WARS2: variants seen among roughly 807,000 people sequenced by gnomAD.
WARS2 encodes the protein tryptophan--tRNA ligase, mitochondrial.
WARS2 carries 28 observed loss-of-function variants against 36.5 expected under a neutral mutation model. The observed-to-expected ratio is 0.77, with a 90% CI of 0.57 to 1.05. The LOEUF (loss-of-function observed/expected upper bound fraction) is 1.05, where lower values mean the gene tolerates loss of function less well. Among genes scored for constraint, WARS2 ranks in the 50% least tolerant of loss-of-function variants. The pLI is 0.00. For missense variants in WARS2, 435 were observed against 456.8 expected (o/e 0.95, Z 0.44); for synonymous variants, 174 against 178.4 (o/e 0.98, Z 0.20).
Position 119,083,121 on chromosome 1 carries a change from T to C in WARS2, c.91-6514A>G, listed in dbSNP as rs587640242. On this transcript the variant is annotated intron_variant, in intron 1 of 5. Coordinates refer to ENST00000235521, the MANE Select transcript of WARS2 (RefSeq NM_015836.4). The stretch of plus-strand genomic sequence containing the variant: ...GTGGATGTCTGTAATCCCAGCTACT[T>C]GGGAGGCTGAGGCAGGAGAATCACT... Among the ~76,000 whole-genome samples, 4 of 152,092 alleles carry C rather than the reference T, an allele frequency of 2.6e-5. No individual in the cohort carries two copies. The South Asian group carries it at 8.3e-4, about 32-fold the overall frequency.
chr1:119,131,477 T>TG (rs1656100884), intron 1 of WARS2, among the ~76,000 whole-genome samples: 1 of 150,868 alleles, frequency 6.6e-6, no homozygotes. Flanking sequence ...TTTTTTTTTT[T>TG]TTGAGACGTA....
intron 2 of WARS2, among the ~76,000 whole-genome samples, chr1:119,055,113 G>A (rs1571284691): frequency 6.6e-6 from 1 of 152,178 alleles, no homozygotes; most frequent in African/African-American, 2.4e-5. Flanking sequence ...TCTCAAGTTG[G>A]AAAAAATGGT....
chr1:119,062,667 G>C (rs1376162536), intron 2 of WARS2, among the ~76,000 whole-genome samples: 2 of 152,110 alleles, frequency 1.3e-5, no homozygotes, highest in Non-Finnish European at 2.9e-5. Context: ...TGTTTCCCAT[G>C]CTATTCTCAT....
chr1:119,077,799 G>A (rs1651864698), intron 1 of WARS2, among the ~76,000 whole-genome samples: 1 of 151,936 alleles, frequency 6.6e-6, no homozygotes, highest in African/African-American at 2.4e-5. Flanking sequence ...TTTTTCCCCT[G>A]AATTATTTTA....
At position 119,086,926 on chromosome 1, in the gene WARS2, T is replaced by C. The variant is rs188075914; in HGVS notation, c.91-10319A>G. Among the ~76,000 whole-genome samples, 26 of 152,212 alleles carry C rather than the reference T, an allele frequency of 1.7e-4. No homozygotes were observed. In the East Asian group the frequency reaches 3.9e-3, roughly 23 times the overall value. ...TTCACACTCTTCCACCATCCTAGAA[T>C]GCCCTTTCACCTCTTTTCTGCGTGG... On this transcript the variant is annotated intron_variant, in intron 1 of 5. Transcript: ENST00000235521.
chr1:119,126,550 C>T (rs1655672024), intron 1 of WARS2: 11 of 528,908 alleles, frequency 2.1e-5, no homozygotes, highest in South Asian at 6.4e-5. Context: ...CAGACAGATT[C>T]TTGGACTAGT....
At position 119,114,873 on chromosome 1, in the gene WARS2, C is replaced by T. The variant is rs587668047; in HGVS notation, c.90+25682G>A. On this transcript the variant is annotated intron_variant, in intron 1 of 5. Transcript: ENST00000235521. Reference sequence around the variant, plus strand: ...CAGCTACCTTAAATGCAGCCATATGCTCCCTGATATTATAAGTCCTATTAT... The same window carrying T: ...CAGCTACCTTAAATGCAGCCATATGTTCCCTGATATTATAAGTCCTATTAT... Among the ~76,000 whole-genome samples the T allele has an allele frequency of 4.6e-5, 7 of 152,280 alleles. No homozygotes were observed. In the South Asian group the frequency reaches 1.4e-3, roughly 32 times the overall value.
chr1:119,042,135 T>C (rs1390191889), intron 4 of WARS2, 129 bp downstream of exon 4: 1 of 713,584 alleles, frequency 1.4e-6, no homozygotes, highest in Admixed American at 2.3e-5. Flanking sequence ...GGAATAGATA[T>C]AAACTGATTC....
At chr1:119,035,292 A>T (rs1330103732) in intron 4 of WARS2, among the ~76,000 whole-genome samples, 2 of 152,166 alleles carry the variant, frequency 1.3e-5, no homozygotes. Flanking sequence ...TACAAGTAAT[A>T]CAGTGCGCTG....
intron 4 of WARS2, among the ~76,000 whole-genome samples, chr1:119,038,651 A>G (rs1169340612): frequency 6.6e-6 from 1 of 151,530 alleles, no homozygotes; most frequent in Admixed American, 6.6e-5. Context: ...TCATTTTTCT[A>G]TATCATTTTT....
chr1:119,125,022 G>C (rs1655557954), intron 1 of WARS2, among the ~76,000 whole-genome samples: 1 of 152,146 alleles, frequency 6.6e-6, no homozygotes, highest in Non-Finnish European at 1.5e-5. Flanking sequence ...GTCTTATAGG[G>C]CTGTTACAAG....
chr1:119,067,849 G>T (rs1651000824), intron 2 of WARS2, among the ~76,000 whole-genome samples: 1 of 151,142 alleles, frequency 6.6e-6, no homozygotes, highest in Non-Finnish European at 1.5e-5. Flanking sequence ...AGCAAGAAAA[G>T]AATTCTTCTT....
chr1:119,102,922 G>T (rs1653975743), intron 1 of WARS2, among the ~76,000 whole-genome samples: 1 of 152,144 alleles, frequency 6.6e-6, no homozygotes, highest in South Asian at 2.1e-4. Context: ...CTTTCATGAA[G>T]CTACACTGCG....
intron 4 of WARS2, among the ~76,000 whole-genome samples, chr1:119,035,795 A>G (rs1416454509): frequency 6.6e-6 from 1 of 152,238 alleles, no homozygotes; most frequent in East Asian, 1.9e-4. Context: ...GGTATGTTAC[A>G]GGAATTCTGA....
chr1:119,055,798 T>C (rs1163010552), intron 2 of WARS2, among the ~76,000 whole-genome samples: 1 of 151,292 alleles, frequency 6.6e-6, no homozygotes, highest in Non-Finnish European at 1.5e-5. Context: ...AGAAAGAAAA[T>C]CTGAAGGGAA....
intron 1 of WARS2, among the ~76,000 whole-genome samples, chr1:119,096,146 CT>C (rs1220638155): frequency 6.6e-6 from 1 of 152,142 alleles, no homozygotes; most frequent in Non-Finnish European, 1.5e-5. Context: ...TTCCTGATTG[CT>C]TACATAAATG....
intron 1 of WARS2, among the ~76,000 whole-genome samples, chr1:119,113,958 G>C (rs1341258781): frequency 6.6e-6 from 1 of 151,992 alleles, no homozygotes; most frequent in Non-Finnish European, 1.5e-5. Context: ...TCTATTCTAA[G>C]TTATATCTAA....
rs189143414 is a variant in WARS2, at chr1:119,056,122, G to A, written c.349-10460C>T. ...CAGCCTCGACCTCCCAGGCTCAAGC[G>A]ATTCTCCTGCCTTAGCCCCACCAAG... On this transcript the variant is annotated intron_variant, in intron 2 of 5. Coordinates refer to ENST00000235521, the MANE Select transcript of WARS2 (RefSeq NM_015836.4). Among the ~76,000 whole-genome samples the A allele has an allele frequency of 3.2e-3, 477 of 150,404 alleles. 2 individuals carry two copies. The highest frequency in any genetic ancestry group is 5.9e-3 in the Non-Finnish European group (401 of 67,792).
At chr1:119,131,787 G>A (rs1273419549) in intron 1 of WARS2, among the ~76,000 whole-genome samples, 4 of 151,902 alleles carry the variant, frequency 2.6e-5, no homozygotes, top group Non-Finnish European at 5.9e-5. Context: ...TAAACGTTCT[G>A]TGGGAAGTCT....
Sources: gnomAD v4.1 joint callset for allele counts (sites outside exome capture counted in the v4.1 genomes callset) on GRCh38, gnomAD v4.1.1 for gene constraint, MANE v1.5 for transcripts, NCBI Gene and HGNC (gene_info 2026-07-23, HGNC 2026-07-21) for gene names.